Variants in RPSA2 observed in about 807,000 individuals in gnomAD.
The protein encoded by RPSA2 is small ribosomal subunit protein uS2B.
At chr19:23,829,202 T>C in the RPSA2 span, among the ~76,000 whole-genome samples, 1 of 152,236 alleles carries the variant, frequency 6.6e-6, no homozygotes, top group Non-Finnish European at 1.5e-5. Context: ...CTTACTGTTA[T>C]TTTATTATGC....
At chr19:23,787,634 A>T in the RPSA2 span, among the ~76,000 whole-genome samples, 3 of 152,260 alleles carry the variant, frequency 2.0e-5, no homozygotes, top group Middle Eastern at 6.8e-3. Flanking sequence ...AACAAAAAAA[A>T]GAATGAATGA....
At chr19:23,815,991 A>T in the RPSA2 span, among the ~76,000 whole-genome samples, 18,382 of 60,164 alleles carry the variant, frequency 0.31, 1,356 homozygotes, top group Middle Eastern at 0.42. Flanking sequence ...CATAAAATGT[A>T]GTTGTTTTTT....
chr19:23,792,425 G>T, the RPSA2 span, among the ~76,000 whole-genome samples: 8 of 152,142 alleles, frequency 5.3e-5, no homozygotes. Context: ...TGCAGATAAG[G>T]TTAATATAAA....
At chr19:23,854,705 C>T in the RPSA2 span, among the ~76,000 whole-genome samples, 1 of 152,162 alleles carries the variant, frequency 6.6e-6, no homozygotes, top group Non-Finnish European at 1.5e-5. Flanking sequence ...TTTAACAATG[C>T]AATTTTTTTG....
At chr19:23,769,836 A>G in the RPSA2 span, among the ~76,000 whole-genome samples, 1 of 152,174 alleles carries the variant, frequency 6.6e-6, no homozygotes, top group Non-Finnish European at 1.5e-5. Context: ...GTTGAGACAT[A>G]TCACTGGGTC....
At chr19:23,848,596 C>T in the RPSA2 span, among the ~76,000 whole-genome samples, 1 of 152,212 alleles carries the variant, frequency 6.6e-6, no homozygotes, top group Non-Finnish European at 1.5e-5. Context: ...ATCTTCCCTA[C>T]TGAGAAGGTG....
chr19:23,790,292 C>A, the RPSA2 span, among the ~76,000 whole-genome samples: 1 of 152,170 alleles, frequency 6.6e-6, no homozygotes, highest in East Asian at 1.9e-4. Flanking sequence ...CCGCTGGACC[C>A]GGCCTGATTT....
chr19:23,783,838 T>C, the RPSA2 span, among the ~76,000 whole-genome samples: 1 of 152,220 alleles, frequency 6.6e-6, no homozygotes, highest in South Asian at 2.1e-4. Flanking sequence ...TTCTGGACTT[T>C]GCCCACAGTG....
chr19:23,855,314 A>G, the RPSA2 span, among the ~76,000 whole-genome samples: 1 of 152,224 alleles, frequency 6.6e-6, no homozygotes, highest in African/African-American at 2.4e-5. Flanking sequence ...AGTTTTTGCC[A>G]AAATGTCCCA....
the RPSA2 span, among the ~76,000 whole-genome samples, chr19:23,869,397 CA>C: frequency 2.3e-3 from 289 of 125,118 alleles, 1 homozygote; most frequent in African/African-American, 7.9e-3. Flanking sequence ...GTGTGCTAAC[CA>C]ACCATGCCCG....
At chr19:23,834,904 T>C in the RPSA2 span, among the ~76,000 whole-genome samples, 2 of 152,080 alleles carry the variant, frequency 1.3e-5, no homozygotes, top group Non-Finnish European at 2.9e-5. Context: ...TTTATTCTTA[T>C]TTTCACATTT....
the RPSA2 span, among the ~76,000 whole-genome samples, chr19:23,829,491 A>G: frequency 6.6e-6 from 1 of 152,130 alleles, no homozygotes; most frequent in African/African-American, 2.4e-5. Context: ...AGTAGATATG[A>G]GGTTTCTCCA....
the RPSA2 span, among the ~76,000 whole-genome samples, chr19:23,774,325 C>G: frequency 6.2e-4 from 94 of 152,326 alleles, no homozygotes; most frequent in Admixed American, 1.8e-3. Context: ...TATATTTCCA[C>G]TCATCATCAA....
the RPSA2 span, among the ~76,000 whole-genome samples, chr19:23,781,497 C>T: frequency 6.6e-6 from 1 of 151,840 alleles, no homozygotes; most frequent in African/African-American, 2.4e-5. Flanking sequence ...CACCACCACA[C>T]AGGCTAATTT....
chr19:23,789,691 A>G, the RPSA2 span, among the ~76,000 whole-genome samples: 8 of 151,924 alleles, frequency 5.3e-5, no homozygotes, highest in Non-Finnish European at 1.2e-4. Context: ...AAGGAACAAA[A>G]TCACAGATGA....
chr19:23,864,858 C>G, the RPSA2 span, among the ~76,000 whole-genome samples: 565 of 152,100 alleles, frequency 3.7e-3, 4 homozygotes, highest in African/African-American at 0.013. Flanking sequence ...CAGGCCTGCA[C>G]TAAGTCAAGC....
the RPSA2 span, among the ~76,000 whole-genome samples, chr19:23,869,832 A>T: frequency 6.6e-6 from 1 of 152,232 alleles, no homozygotes; most frequent in African/African-American, 2.4e-5. Context: ...CTGCTACTCA[A>T]CACAGTCTTA....
the RPSA2 span, among the ~76,000 whole-genome samples, chr19:23,838,906 A>G: frequency 6.6e-6 from 1 of 151,838 alleles, no homozygotes; most frequent in Non-Finnish European, 1.5e-5. Flanking sequence ...TCTTTGTTTC[A>G]TTTACCTTCT....
the RPSA2 span, among the ~76,000 whole-genome samples, chr19:23,849,124 A>AT: frequency 6.6e-6 from 1 of 152,246 alleles, no homozygotes; most frequent in Non-Finnish European, 1.5e-5. Flanking sequence ...CAATTAATAC[A>AT]TTGGGCAGTT....
Sources: gnomAD v4.1 joint callset for allele counts (sites outside exome capture counted in the v4.1 genomes callset) on GRCh38, gnomAD v4.1.1 for gene constraint, MANE v1.5 for transcripts, NCBI Gene and HGNC (gene_info 2026-07-23, HGNC 2026-07-21) for gene names.